The following ARMC8 variants were observed in gnomAD, a reference collection of about 807,000 sequenced individuals.
The protein encoded by ARMC8 is armadillo repeat containing 8.
In ARMC8, 20 loss-of-function variants were observed where a neutral mutation model predicts 99.3. The ratio of observed to expected loss-of-function variants is 0.20; its 90% CI spans 0.14 to 0.29. The LOEUF (loss-of-function observed/expected upper bound fraction) is 0.29. ARMC8 is among the 10% of genes least tolerant of loss of function. The probability of loss-of-function intolerance (pLI) is 1.00; values close to 1 mark genes in which losing one functional copy is unlikely to be tolerated. For synonymous variants in ARMC8, 263 were observed against 278.3 expected (o/e 0.95, Z 0.55); for missense variants, 569 against 809.5 (o/e 0.70, Z 3.60).
At chr3:138,263,640 C>A (rs982923516) in intron 12 of ARMC8, 99 bp from the exon 13 acceptor site, 56 of 1,095,410 alleles carry the variant, frequency 5.1e-5, no homozygotes, top group Non-Finnish European at 7.3e-5. Flanking sequence ...CCAAAAACAA[C>A]GTTAAACTTT....
intron 14 of ARMC8, among the ~76,000 whole-genome samples, chr3:138,266,498 A>G (rs1560016000): frequency 6.6e-6 from 1 of 152,148 alleles, no homozygotes; most frequent in East Asian, 1.9e-4. Flanking sequence ...AAGTAGTCTT[A>G]TGTTTTTCAT....
At chr3:138,289,506 C>T (rs2050744596) in intron 20 of ARMC8, among the ~76,000 whole-genome samples, 1 of 152,148 alleles carries the variant, frequency 6.6e-6, no homozygotes, top group Non-Finnish European at 1.5e-5. Context: ...GGCAGATAAG[C>T]ATGATGGAGA....
chr3:138,232,586 C>G (rs1184008504), intron 6 of ARMC8, among the ~76,000 whole-genome samples: 1 of 152,130 alleles, frequency 6.6e-6, no homozygotes, highest in African/African-American at 2.4e-5. Flanking sequence ...AAGTGTCTAA[C>G]TATAGGGTAC....
intron 15 of ARMC8, among the ~76,000 whole-genome samples, chr3:138,269,682 G>A (rs183602212): frequency 1.4e-4 from 21 of 152,300 alleles, no homozygotes; most frequent in African/African-American, 3.4e-4. Context: ...GAGTCTCAGC[G>A]AAAGATGAGA....
intron 1 of ARMC8, among the ~76,000 whole-genome samples, chr3:138,200,160 G>A (rs554948226): frequency 2.0e-5 from 3 of 152,282 alleles, no homozygotes; most frequent in Admixed American, 1.3e-4. Flanking sequence ...TGCTCCAGCT[G>A]TAATAAAGGA....
chr3:138,189,571 A>G (rs570465343), intron 1 of ARMC8, among the ~76,000 whole-genome samples: 10 of 152,354 alleles, frequency 6.6e-5, no homozygotes, highest in Non-Finnish European at 1.0e-4. Context: ...TCTGTATTGT[A>G]TACGTTAGAG....
intron 1 of ARMC8, among the ~76,000 whole-genome samples, chr3:138,196,186 C>T (rs527450494): frequency 6.6e-5 from 10 of 152,198 alleles, no homozygotes; most frequent in African/African-American, 2.2e-4. Flanking sequence ...AGGAAAGAGT[C>T]ATGATGATCA....
chr3:138,194,684 G>C (rs1278335497), intron 1 of ARMC8, among the ~76,000 whole-genome samples: 4 of 150,924 alleles, frequency 2.7e-5, no homozygotes, highest in African/African-American at 9.8e-5. Flanking sequence ...AACTGTATAG[G>C]GTATTCCAAA....
chr3:138,203,555 T>G (rs533466583), intron 1 of ARMC8, among the ~76,000 whole-genome samples: 1 of 152,316 alleles, frequency 6.6e-6, no homozygotes, highest in African/African-American at 2.4e-5. Context: ...ACAACTAGTT[T>G]CTGTTAGAGA....
At chr3:138,190,442 A>G (rs1311589809) in intron 1 of ARMC8, among the ~76,000 whole-genome samples, 5 of 151,966 alleles carry the variant, frequency 3.3e-5, no homozygotes, top group Non-Finnish European at 5.9e-5. Context: ...ATCCACTACC[A>G]TGCCTGGCTA....
In ARMC8 at chr3:138,221,907, T is replaced by A. The variant is rs1173820210; in HGVS notation, c.123-19T>A. ...AGTGCTGTCTCAACATACTTTATTT[T>A]TTCTTCCCCTTAATTCAGAGACATG... On this transcript the variant is annotated intron_variant, in intron 2 of 21. Coordinates refer to ENST00000469044, the MANE Select transcript of ARMC8 (RefSeq NM_001363941.2). 8 of 1,595,188 alleles carry A rather than the reference T, an allele frequency of 5.0e-6. No homozygotes were observed. The highest frequency in any genetic ancestry group is 6.9e-6 in the Non-Finnish European group (8 of 1,163,508).
chr3:138,237,033 G>T (rs925318150), intron 7 of ARMC8, among the ~76,000 whole-genome samples: 2 of 151,982 alleles, frequency 1.3e-5, no homozygotes, highest in East Asian at 3.9e-4. Flanking sequence ...ACTGTATTTT[G>T]TATAGTGTTC....
intron 6 of ARMC8, among the ~76,000 whole-genome samples, chr3:138,232,223 G>A (rs890338959): frequency 3.3e-5 from 5 of 151,804 alleles, no homozygotes; most frequent in Non-Finnish European, 7.4e-5. Context: ...CCATCTGCCT[G>A]CCCCGGCTTC....
intron 11 of ARMC8, among the ~76,000 whole-genome samples, chr3:138,243,982 A>G (rs2046758996): frequency 6.6e-6 from 1 of 152,194 alleles, no homozygotes; most frequent in South Asian, 2.1e-4. Context: ...TAGACTTTGT[A>G]TAGTTACTTG....
intron 1 of ARMC8, among the ~76,000 whole-genome samples, chr3:138,199,412 G>T (rs1169951259): frequency 2.6e-5 from 4 of 152,192 alleles, no homozygotes; most frequent in East Asian, 3.9e-4. Context: ...AGGAATTTTG[G>T]AATACCTAAG....
chr3:138,241,987 T>C lies in ARMC8; in HGVS notation c.1038+4T>C, dbSNP rs1181114928. On this transcript the variant is annotated splice_donor_region_variant and intron_variant, in intron 11 of 21. Transcript: ENST00000469044. ...TGCCATCACTGATATTAAAAGGGTATGTTATTTTCCTTTTTTAGCAGCTCA... is the reference window on the plus strand; with the variant it reads ...TGCCATCACTGATATTAAAAGGGTACGTTATTTTCCTTTTTTAGCAGCTCA... 3.7e-6 allele frequency: 6 copies of C among 1,612,742 alleles called. No homozygotes were observed. The Admixed American group carries it at 8.3e-5, about 22-fold the overall frequency.
intron 5 of ARMC8, among the ~76,000 whole-genome samples, chr3:138,224,253 C>T (rs1414510611): frequency 1.3e-5 from 2 of 151,036 alleles, no homozygotes; most frequent in East Asian, 2.0e-4. Context: ...CCACTGCGCC[C>T]GACAACAAGA....
At chr3:138,283,598 A>G (rs1240482848) in intron 18 of ARMC8, among the ~76,000 whole-genome samples, 1 of 152,164 alleles carries the variant, frequency 6.6e-6, no homozygotes, top group Non-Finnish European at 1.5e-5. Context: ...GTTACTTAGT[A>G]AATGGTTTGT....
At chr3:138,215,276 G>T (rs752910082) in intron 2 of ARMC8, among the ~76,000 whole-genome samples, 1 of 151,870 alleles carries the variant, frequency 6.6e-6, no homozygotes, top group Non-Finnish European at 1.5e-5. Flanking sequence ...GAGTGCAATG[G>T]CGTGGTCTGG....
Sources: allele counts gnomAD v4.1 joint callset (sites outside exome capture counted in the v4.1 genomes callset), GRCh38; gene constraint gnomAD v4.1.1; transcripts MANE v1.5; gene names NCBI Gene and HGNC (gene_info 2026-07-23, HGNC 2026-07-21).